Variants in TGFA observed in about 807,000 individuals in gnomAD.
The protein encoded by TGFA is transforming growth factor alpha.
TGFA carries 12 observed loss-of-function variants against 21.7 expected under a neutral mutation model. The ratio of observed to expected loss-of-function variants is 0.55; its 90% CI spans 0.35 to 0.90. The LOEUF is 0.90. Among genes scored for constraint, TGFA ranks in the 40% least tolerant of loss-of-function variants. The pLI is 0.01. For synonymous variants in TGFA, 79 were observed against 88.1 expected, an observed-to-expected ratio of 0.90 and a Z score of 0.58; for missense variants, 178 against 210.8, an observed-to-expected ratio of 0.84 and a Z score of 0.96.
chr2:70,504,459 T>TATATATATATATATAC (rs1559124011), intron 2 of TGFA, among the ~76,000 whole-genome samples: 1 of 74,352 alleles, frequency 1.3e-5, no homozygotes, highest in East Asian at 4.2e-4. Flanking sequence ...TATATATATA[T>TATATATATATATATAC]ATATACACAC....
intron 2 of TGFA, among the ~76,000 whole-genome samples, chr2:70,489,787 C>T (rs1434783106): frequency 3.3e-5 from 5 of 152,234 alleles, no homozygotes; most frequent in Non-Finnish European, 7.3e-5. Flanking sequence ...ACAAGTGCCA[C>T]TGGTGCTACC....
At chr2:70,465,513 G>A in intron 3 of TGFA, 103 bp downstream of exon 3, 1 of 1,445,128 alleles carries the variant, frequency 6.9e-7, no homozygotes, top group Non-Finnish European at 9.4e-7. Flanking sequence ...CTGGCTCCAG[G>A]GGTCTCGGAG....
At chr2:70,531,377 C>T (rs150665042) in intron 1 of TGFA, among the ~76,000 whole-genome samples, 62 of 152,284 alleles carry the variant, frequency 4.1e-4, no homozygotes, top group African/African-American at 1.4e-3. Context: ...TAGTGATTCT[C>T]CATGGCTATG....
intron 2 of TGFA, among the ~76,000 whole-genome samples, chr2:70,474,679 T>C (rs1234793412): frequency 1.3e-5 from 2 of 152,218 alleles, no homozygotes; most frequent in Non-Finnish European, 2.9e-5. Context: ...TATCAGGCCT[T>C]CCACTAAGGG....
chr2:70,537,119 TG>T (rs146722227), intron 1 of TGFA, among the ~76,000 whole-genome samples: 17,528 of 152,118 alleles, frequency 0.12, 1,225 homozygotes, highest in Middle Eastern at 0.2. Context: ...ATATCTGTTA[TG>T]GTGACAGGTG....
chr2:70,504,335 A>G (rs1215421160), intron 2 of TGFA, among the ~76,000 whole-genome samples: 1 of 150,932 alleles, frequency 6.6e-6, no homozygotes, highest in East Asian at 1.9e-4. Context: ...ACTTGAGCCC[A>G]GGAGGTGGAA....
chr2:70,512,418 T>A (rs1020382411), intron 2 of TGFA, among the ~76,000 whole-genome samples: 5 of 152,150 alleles, frequency 3.3e-5, no homozygotes, highest in African/African-American at 1.2e-4. Flanking sequence ...CTCTGGACTT[T>A]AGAAGGTGTG....
rs1669967768 is a variant in TGFA at position 70,448,947 on chromosome 2, G to C, written c.*1912C>G. The C allele has an allele frequency of 6.6e-6, 1 of 152,202 alleles. No individual in the cohort carries two copies. Among genetic ancestry groups the C allele is most frequent in the Non-Finnish European group, 1.5e-5 (1 of 68,054 alleles). The allele number at this position is 152,202 out of a possible 1,614,324, so 9.4% of individuals were successfully genotyped here. On this transcript the variant is annotated 3_prime_UTR_variant, in exon 6 of 6. Transcript: ENST00000295400. ...TGGATGCTAACTACTGATTGATAGA[G>C]GTCTAAAAACCAGTGTCCGTTGATT...
At chr2:70,546,145 A>G (rs1553505857) in intron 1 of TGFA, among the ~76,000 whole-genome samples, 1 of 152,216 alleles carries the variant, frequency 6.6e-6, no homozygotes, top group African/African-American at 2.4e-5. Flanking sequence ...AGGATGTGCC[A>G]AACATTTCTG....
At chr2:70,553,688 T>C (rs542035696) in intron 1 of TGFA, 40 bp downstream of exon 1, 6 of 1,327,658 alleles carry the variant, frequency 4.5e-6, no homozygotes, top group Non-Finnish European at 5.8e-6. Context: ...GGAAGCAGGG[T>C]GTCGCGCGGC....
intron 1 of TGFA, among the ~76,000 whole-genome samples, chr2:70,533,876 T>C (rs992822717): frequency 3.9e-5 from 6 of 152,114 alleles, no homozygotes; most frequent in African/African-American, 1.4e-4. Flanking sequence ...CCACATTTTT[T>C]TTTTCCAGAA....
intron 1 of TGFA, among the ~76,000 whole-genome samples, chr2:70,534,318 G>A (rs1672908965): frequency 6.6e-6 from 1 of 152,194 alleles, no homozygotes; most frequent in South Asian, 2.1e-4. Flanking sequence ...GGACTGTGAA[G>A]AACTAAAAGT....
At chr2:70,453,569 C>G (rs1390163219) in intron 4 of TGFA, among the ~76,000 whole-genome samples, 4 of 152,196 alleles carry the variant, frequency 2.6e-5, no homozygotes, top group African/African-American at 9.7e-5. Context: ...AAAGTATTTG[C>G]TCTGTTTCTG....
chr2:70,528,916 T>A (rs2103896942), intron 1 of TGFA, among the ~76,000 whole-genome samples: 1 of 152,310 alleles, frequency 6.6e-6, no homozygotes, highest in African/African-American at 2.4e-5. Flanking sequence ...CTCTCCCTGT[T>A]CCTTCTTACA....
At chr2:70,477,166 A>G (rs948548983) in intron 2 of TGFA, among the ~76,000 whole-genome samples, 5 of 152,240 alleles carry the variant, frequency 3.3e-5, no homozygotes, top group African/African-American at 9.6e-5. Flanking sequence ...TGAGGAATCT[A>G]GATTTAATCT....
chr2:70,472,191 A>G (rs11466233), intron 2 of TGFA, among the ~76,000 whole-genome samples: 9,066 of 152,284 alleles, frequency 0.06, 330 homozygotes, highest in Middle Eastern at 0.13. Context: ...AGTCTCCCCA[A>G]GATGTGCCAG....
intron 2 of TGFA, among the ~76,000 whole-genome samples, chr2:70,512,665 A>C (rs1347253509): frequency 6.6e-6 from 1 of 152,232 alleles, no homozygotes; most frequent in African/African-American, 2.4e-5. Flanking sequence ...AGGTCTGCCC[A>C]CATCTGCCCA....
chr2:70,526,353 A>G (rs1672635062), intron 1 of TGFA, among the ~76,000 whole-genome samples: 1 of 152,224 alleles, frequency 6.6e-6, no homozygotes, highest in South Asian at 2.1e-4. Context: ...GGAAGCCCCA[A>G]GAGGGAAGAA....
Position 70,531,943 on chromosome 2 carries a change from TACTC to T in TGFA, c.41-17035_41-17032del, listed in dbSNP as rs1672822789. Among the ~76,000 whole-genome samples the T allele has an allele frequency of 2.0e-5, 3 of 152,314 alleles. No homozygotes were observed. In the South Asian group the frequency reaches 6.2e-4, roughly 32 times the overall value. Reference sequence around the variant, plus strand: ...CTTGAAACACACCCACACTCTCACATACTCACACAAAATTATTGCCAATGGAGCA... The same window carrying T: ...CTTGAAACACACCCACACTCTCACATACACAAAATTATTGCCAATGGAGCA... On this transcript the variant is annotated intron_variant, in intron 1 of 5. Transcript: ENST00000295400.
Sources: allele counts gnomAD v4.1 joint callset (sites outside exome capture counted in the v4.1 genomes callset), GRCh38; gene constraint gnomAD v4.1.1; transcripts MANE v1.5; gene names NCBI Gene and HGNC (gene_info 2026-07-23, HGNC 2026-07-21).